The following OXR1 variants were observed in gnomAD, a reference collection of about 807,000 sequenced individuals.
The protein encoded by OXR1 is oxidation resistance 1, also known as oxidation resistance protein 1.
OXR1 carries 41 observed loss-of-function variants against 104.6 expected under a neutral mutation model. That is an observed-to-expected ratio of 0.39 (90% CI 0.31 to 0.51). The LOEUF (loss-of-function observed/expected upper bound fraction) is 0.51, where lower values mean the gene tolerates loss of function less well. Ranked by LOEUF, OXR1 falls within the 20% of genes least tolerant of loss-of-function variation. OXR1 has a pLI of 0.77. For synonymous variants in OXR1, 348 were observed against 348.4 expected, an observed-to-expected ratio of 1.00 and a Z score of 0.01; for missense variants, 955 against 1,031.9, an observed-to-expected ratio of 0.93 and a Z score of 1.02.
intron 1 of OXR1, among the ~76,000 whole-genome samples, chr8:106,280,320 A>G (rs1233966203): frequency 6.6e-6 from 1 of 152,208 alleles, no homozygotes; most frequent in Non-Finnish European, 1.5e-5. Context: ...ACAGAAATGT[A>G]TTCTCTCACA....
intron 2 of OXR1, among the ~76,000 whole-genome samples, chr8:106,416,326 C>T (rs1444859508): frequency 6.6e-6 from 1 of 151,976 alleles, no homozygotes; most frequent in Non-Finnish European, 1.5e-5. Flanking sequence ...AAACAGATTT[C>T]TATATTGTCA....
chr8:106,704,008 ATT>A (rs1008478375), intron 8 of OXR1, among the ~76,000 whole-genome samples: 1 of 152,156 alleles, frequency 6.6e-6, no homozygotes, highest in African/African-American at 2.4e-5. Context: ...GGGACAAATT[ATT>A]TTTGTTTCTG....
At chr8:106,339,557 A>AT (rs1815153364) in intron 1 of OXR1, among the ~76,000 whole-genome samples, 2 of 125,170 alleles carry the variant, frequency 1.6e-5, no homozygotes, top group African/African-American at 2.7e-5. Flanking sequence ...TATATATATA[A>AT]AACGAAATCA....
intron 2 of OXR1, among the ~76,000 whole-genome samples, chr8:106,483,499 C>T (rs1357398085): frequency 6.6e-6 from 1 of 151,812 alleles, no homozygotes; most frequent in African/African-American, 2.4e-5. Flanking sequence ...AAGTTTGAGG[C>T]AAGCCTGAGT....
Position 106,363,557 on chromosome 8 carries a change from GT to G in OXR1, c.23+3933del, listed in dbSNP as rs112875800. Among the ~76,000 whole-genome samples, 982 of 141,728 alleles carry G rather than the reference GT, an allele frequency of 6.9e-3. 6 individuals carry two copies. The highest frequency in any genetic ancestry group is 0.012 in the Non-Finnish European group (746 of 64,482). 93.0% of individuals were successfully genotyped at this position (141,728 alleles called of 152,430 possible). A position where few individuals can be genotyped will look rare whatever the true frequency, so the allele number is the denominator to read the frequency against. ...TGTATATTATTTTCTGCATATATTCGTTTTTTTTTTTTGCAAAATTAGACTC... is the reference window on the plus strand; with the variant it reads ...TGTATATTATTTTCTGCATATATTCGTTTTTTTTTTTGCAAAATTAGACTC... On this transcript the variant is annotated intron_variant, in intron 2 of 16. Coordinates refer to ENST00000517566, the MANE Select transcript of OXR1 (RefSeq NM_001198533.2).
intron 3 of OXR1, among the ~76,000 whole-genome samples, chr8:106,593,810 G>C (rs553035776): frequency 6.4e-4 from 97 of 152,246 alleles, no homozygotes; most frequent in African/African-American, 2.2e-3. Flanking sequence ...ATTTAACTAA[G>C]TCCAGTTGTG....
intron 2 of OXR1, among the ~76,000 whole-genome samples, chr8:106,505,802 A>T (rs1586733379): frequency 6.6e-6 from 1 of 152,238 alleles, no homozygotes; most frequent in East Asian, 1.9e-4. Context: ...CTATCAGGGC[A>T]CTATGGACCA....
chr8:106,445,905 G>A (rs1192184768), intron 2 of OXR1, among the ~76,000 whole-genome samples: 1 of 152,154 alleles, frequency 6.6e-6, no homozygotes, highest in Non-Finnish European at 1.5e-5. Flanking sequence ...AAAACAAGTT[G>A]ACTTTAATTT....
At chr8:106,471,559 A>G (rs1474841854) in intron 2 of OXR1, among the ~76,000 whole-genome samples, 2 of 151,808 alleles carry the variant, frequency 1.3e-5, no homozygotes, top group African/African-American at 4.8e-5. Context: ...TAGGTTATTC[A>G]GTAACCATAG....
intron 3 of OXR1, among the ~76,000 whole-genome samples, chr8:106,640,736 G>C (rs949358272): frequency 2.0e-5 from 3 of 152,070 alleles, no homozygotes; most frequent in African/African-American, 7.2e-5. Context: ...ATCTGAGAAA[G>C]ACAAATTTAA....
At chr8:106,679,326 T>C in intron 4 of OXR1, 34 bp downstream of exon 4, 1 of 1,123,418 alleles carries the variant, frequency 8.9e-7, no homozygotes, top group Non-Finnish European at 1.3e-6. Flanking sequence ...GCTATTTTTC[T>C]TTGTAAGAGT....
chr8:106,614,531 T>C (rs1821052021), intron 3 of OXR1, among the ~76,000 whole-genome samples: 1 of 152,196 alleles, frequency 6.6e-6, no homozygotes, highest in Non-Finnish European at 1.5e-5. Context: ...CCAAAAGTGG[T>C]AGATAGCCAA....
chr8:106,727,800 A>G (rs1833495642), intron 11 of OXR1, among the ~76,000 whole-genome samples: 1 of 152,188 alleles, frequency 6.6e-6, no homozygotes, highest in Non-Finnish European at 1.5e-5. Context: ...CTTCCTACTC[A>G]TTGGTCATTA....
chr8:106,595,200 G>A (rs1819420998), intron 3 of OXR1, among the ~76,000 whole-genome samples: 1 of 152,136 alleles, frequency 6.6e-6, no homozygotes, highest in South Asian at 2.1e-4. Context: ...ATTTTGCTTT[G>A]TTAAAAAGCA....
At chr8:106,580,872 T>G (rs2130625281) in intron 3 of OXR1, 1 of 450,778 alleles carries the variant, frequency 2.2e-6, no homozygotes, top group African/African-American at 2.1e-5. Context: ...TTATCCAGCC[T>G]TTCAAGTGTG....
At chr8:106,526,624 G>A (rs1439247701) in intron 3 of OXR1, among the ~76,000 whole-genome samples, 1 of 152,180 alleles carries the variant, frequency 6.6e-6, no homozygotes, top group Non-Finnish European at 1.5e-5. Context: ...CTCGCTGCAA[G>A]CTCCGCCTCC....
chr8:106,635,768 TAAGA>T lies in OXR1; in HGVS notation c.221-43436_221-43433del, dbSNP rs560875682. ...CGGCCTCGAATTTTAGAAATAACTA[TAAGA>T]AAGAAGTTTCTTATAGTAAGAGTGA... On this transcript the variant is annotated intron_variant, in intron 3 of 16. Coordinates refer to ENST00000517566, the MANE Select transcript of OXR1 (RefSeq NM_001198533.2). Among the ~76,000 whole-genome samples, 7 of 152,258 alleles carry T rather than the reference TAAGA, an allele frequency of 4.6e-5. No individual in the cohort carries two copies. In the South Asian group the frequency reaches 1.4e-3, roughly 32 times the overall value.
At chr8:106,749,679 T>A (rs1835712841) in intron 16 of OXR1, among the ~76,000 whole-genome samples, 1 of 152,128 alleles carries the variant, frequency 6.6e-6, no homozygotes, top group Admixed American at 6.6e-5. Context: ...CCTCCTAAAC[T>A]CTGGCTCAAT....
intron 3 of OXR1, among the ~76,000 whole-genome samples, chr8:106,545,492 G>T (rs576434963): frequency 1.9e-4 from 29 of 152,224 alleles, no homozygotes; most frequent in African/African-American, 6.7e-4. Flanking sequence ...TTATAAAGGA[G>T]AAAGGAATGA....
Sources: allele counts gnomAD v4.1 joint callset (sites outside exome capture counted in the v4.1 genomes callset), GRCh38; gene constraint gnomAD v4.1.1; transcripts MANE v1.5; gene names NCBI Gene and HGNC (gene_info 2026-07-23, HGNC 2026-07-21).